GRIA4: variants seen among roughly 807,000 people sequenced by gnomAD.
The protein encoded by GRIA4 is glutamate ionotropic receptor AMPA type subunit 4, also known as glutamate receptor 4.
Under a neutral mutation model 104.0 loss-of-function variants are expected in GRIA4, and 34 were observed. The ratio of observed to expected loss-of-function variants is 0.33; its 90% CI spans 0.25 to 0.44. The LOEUF (loss-of-function observed/expected upper bound fraction) is 0.44, where lower values mean the gene tolerates loss of function less well. Ranked by LOEUF, GRIA4 falls within the 20% of genes least tolerant of loss-of-function variation. The probability of loss-of-function intolerance (pLI) is 1.00; values close to 1 mark genes in which losing one functional copy is unlikely to be tolerated. For synonymous variants in GRIA4, 386 were observed against 381.9 expected, an observed-to-expected ratio of 1.01 and a Z score of -0.13; for missense variants, 750 against 1,096.5, an observed-to-expected ratio of 0.68 and a Z score of 4.46.
chr11:105,765,833 T>G (rs1467800003), intron 4 of GRIA4, among the ~76,000 whole-genome samples: 1 of 152,188 alleles, frequency 6.6e-6, no homozygotes, highest in East Asian at 1.9e-4. Context: ...AGCCCCTAAC[T>G]TGGAGGAGCT....
At chr11:105,830,120 T>G (rs112670867) in intron 4 of GRIA4, among the ~76,000 whole-genome samples, 4 of 152,012 alleles carry the variant, frequency 2.6e-5, no homozygotes, top group Admixed American at 2.0e-4. Flanking sequence ...GATCTTCCAG[T>G]GCTCTTGACA....
chr11:105,762,782 T>G (rs1334701272), intron 4 of GRIA4, among the ~76,000 whole-genome samples: 4 of 152,194 alleles, frequency 2.6e-5, no homozygotes, highest in Admixed American at 2.6e-4. Flanking sequence ...CTTGCTCTTC[T>G]GCCATGATTG....
intron 3 of GRIA4, among the ~76,000 whole-genome samples, chr11:105,751,758 T>C (rs1362051817): frequency 1.3e-5 from 2 of 152,214 alleles, no homozygotes; most frequent in Admixed American, 6.5e-5. Context: ...TAAATGCACA[T>C]AGAAAACTGT....
chr11:105,812,020 T>C (rs1313920542), intron 4 of GRIA4, among the ~76,000 whole-genome samples: 6 of 152,222 alleles, frequency 3.9e-5, no homozygotes, highest in Admixed American at 6.5e-5. Flanking sequence ...GATGCTCCAT[T>C]ACTGCACTCA....
chr11:105,929,595 G>A (rs1947816217), intron 13 of GRIA4, among the ~76,000 whole-genome samples: 1 of 152,052 alleles, frequency 6.6e-6, no homozygotes, highest in African/African-American at 2.4e-5. Flanking sequence ...TTTATCCTGT[G>A]CCTGTCTCAG....
chr11:105,712,182 C>T (rs1020364281), intron 3 of GRIA4, among the ~76,000 whole-genome samples: 1 of 151,908 alleles, frequency 6.6e-6, no homozygotes, highest in Non-Finnish European at 1.5e-5. Context: ...GAAGGACAAC[C>T]TCAACCAATG....
intron 3 of GRIA4, 81 bp from the exon 4 acceptor site, chr11:105,752,900 T>C (rs1180225142): frequency 7.5e-7 from 1 of 1,334,910 alleles, no homozygotes; most frequent in African/African-American, 1.5e-5. Context: ...TTTTATTTTT[T>C]TAATTTTCTA....
intron 14 of GRIA4, among the ~76,000 whole-genome samples, chr11:105,970,414 G>A (rs1468775512): frequency 1.3e-5 from 2 of 152,126 alleles, no homozygotes; most frequent in South Asian, 4.1e-4. Context: ...ATTTTTAATT[G>A]CAAAAGCTAT....
At chr11:105,720,162 T>A (rs144639381) in intron 3 of GRIA4, among the ~76,000 whole-genome samples, 2 of 151,858 alleles carry the variant, frequency 1.3e-5, no homozygotes, top group Non-Finnish European at 1.5e-5. Flanking sequence ...AATAAGAAGC[T>A]ACCATTTTTA....
chr11:105,942,612 G>A (rs892605278), intron 14 of GRIA4, among the ~76,000 whole-genome samples: 2 of 151,970 alleles, frequency 1.3e-5, no homozygotes, highest in African/African-American at 4.8e-5. Flanking sequence ...ACAATCTCCG[G>A]TGCTCTTAAG....
chr11:105,675,147 G>A (rs533374247), intron 3 of GRIA4, among the ~76,000 whole-genome samples: 39 of 151,962 alleles, frequency 2.6e-4, no homozygotes, highest in Middle Eastern at 3.4e-3. Flanking sequence ...GCTTTGAGCT[G>A]ATTTCTACTT....
At position 105,696,074 on chromosome 11, in the gene GRIA4, T is replaced by A. The variant is rs75343713; in HGVS notation, c.248-56907T>A. ...CCTGAAGGCATCAACCTCTCTTTTA[T>A]GTTGGGACTTTTATGTTGGCTGCCC... is the stretch of plus-strand genomic sequence containing the variant. On this transcript the variant is annotated intron_variant, in intron 3 of 16. Transcript: ENST00000282499. 2.8e-4 allele frequency among the ~76,000 whole-genome samples: 43 copies of A among 152,366 alleles called. No individual in the cohort carries two copies. In the East Asian group the frequency reaches 7.5e-3, roughly 27 times the overall value.
At chr11:105,892,181 A>G (rs1946480483) in intron 6 of GRIA4, among the ~76,000 whole-genome samples, 1 of 152,154 alleles carries the variant, frequency 6.6e-6, no homozygotes, top group South Asian at 2.1e-4. Context: ...AGCACCCGTC[A>G]GGGGGACCTA....
chr11:105,798,038 C>A, intron 4 of GRIA4: 1 of 320,018 alleles, frequency 3.1e-6, no homozygotes, highest in Non-Finnish European at 6.2e-6. Flanking sequence ...AATAATAACA[C>A]TACTAAAATC....
In GRIA4 at chr11:105,739,574, A is replaced by C. The variant is rs564025646; in HGVS notation, c.248-13407A>C. ...GTAACTTTATGTACTGTAGCTAACC[A>C]CTATTCAGAATTCTAAGAAAATTAG... is the stretch of plus-strand genomic sequence containing the variant. On this transcript the variant is annotated intron_variant, in intron 3 of 16. Transcript: ENST00000282499. Among the ~76,000 whole-genome samples the C allele has an allele frequency of 3.0e-3, 458 of 152,304 alleles. 7 individuals are homozygous for C. The highest frequency in any genetic ancestry group is 0.011 in the African/African-American group (449 of 41,570).
chr11:105,832,265 G>T (rs1197886572), intron 4 of GRIA4, among the ~76,000 whole-genome samples: 3 of 151,880 alleles, frequency 2.0e-5, no homozygotes, highest in Non-Finnish European at 4.4e-5. Context: ...TCCTTAAAAT[G>T]AATGCAAAGA....
intron 4 of GRIA4, among the ~76,000 whole-genome samples, chr11:105,778,767 A>G (rs926232625): frequency 6.6e-6 from 1 of 152,088 alleles, no homozygotes; most frequent in Non-Finnish European, 1.5e-5. Flanking sequence ...TCAGTGTTGT[A>G]TAGTATAGAT....
chr11:105,686,325 T>C (rs1056628549), intron 3 of GRIA4, among the ~76,000 whole-genome samples: 1 of 152,196 alleles, frequency 6.6e-6, no homozygotes, highest in Admixed American at 6.5e-5. Context: ...ACAAGTGGTT[T>C]TTGGTTTAAT....
chr11:105,671,677 CAAAA>C (rs377767108), intron 3 of GRIA4, among the ~76,000 whole-genome samples: 13 of 64,584 alleles, frequency 2.0e-4, no homozygotes, highest in South Asian at 9.1e-4. Flanking sequence ...GACTCTGTCT[CAAAA>C]AAAAAAAAAA....
Sources: gnomAD v4.1 joint callset for allele counts (sites outside exome capture counted in the v4.1 genomes callset) on GRCh38, gnomAD v4.1.1 for gene constraint, MANE v1.5 for transcripts, NCBI Gene and HGNC (gene_info 2026-07-23, HGNC 2026-07-21) for gene names.